The following IL36B variants were observed in gnomAD, a reference collection of about 807,000 sequenced individuals.
IL36B encodes the protein interleukin-36 beta.
Under a neutral mutation model 19.3 loss-of-function variants are expected in IL36B, and 23 were observed. The observed-to-expected ratio is 1.19, with a 90% CI of 0.86 to 1.69. The LOEUF (loss-of-function observed/expected upper bound fraction) is 1.69. Ranked by LOEUF, IL36B falls within the 40% of genes most tolerant of loss-of-function variation. The probability of loss-of-function intolerance (pLI) is 0.00; values close to 1 mark genes in which losing one functional copy is unlikely to be tolerated. For missense variants in IL36B, 217 were observed against 200.5 expected, an observed-to-expected ratio of 1.08 and a Z score of -0.50; for synonymous variants, 59 against 59.7, an observed-to-expected ratio of 0.99 and a Z score of 0.05.
chr2:113,051,158 C>T (rs542256006), intron 1 of IL36B, among the ~76,000 whole-genome samples: 21 of 152,200 alleles, frequency 1.4e-4, no homozygotes, highest in African/African-American at 3.6e-4. Flanking sequence ...CAGGCCCCGC[C>T]GGAGGGGCCA....
chr2:113,025,885 A>G (rs776426383), intron 5 of IL36B, among the ~76,000 whole-genome samples: 4 of 152,208 alleles, frequency 2.6e-5, no homozygotes, highest in Non-Finnish European at 5.9e-5. Context: ...AAGGGTTTGC[A>G]TGCAAGATGA....
intron 4 of IL36B, chr2:113,026,263 G>A (rs1214966784): frequency 1.2e-6 from 2 of 1,612,530 alleles, no homozygotes; most frequent in South Asian, 2.2e-5. Flanking sequence ...ATGTTGCTGA[G>A]ATAATACACT....
intron 5 of IL36B, among the ~76,000 whole-genome samples, chr2:113,025,219 G>A (rs1684935463): frequency 6.6e-6 from 1 of 152,190 alleles, no homozygotes; most frequent in South Asian, 2.1e-4. Context: ...ATTGGCATAA[G>A]GGGAAGAGGA....
At chr2:113,025,879 G>A (rs557330086) in intron 5 of IL36B, among the ~76,000 whole-genome samples, 1 of 152,272 alleles carries the variant, frequency 6.6e-6, no homozygotes, top group Non-Finnish European at 1.5e-5. Context: ...TGAGACAAGG[G>A]TTTGCATGCA....
At chr2:113,026,712 C>T (rs35377570) in intron 4 of IL36B, among the ~76,000 whole-genome samples, 180 of 152,214 alleles carry the variant, frequency 1.2e-3, no homozygotes, top group African/African-American at 3.8e-3. Context: ...TGTACACTAA[C>T]AAAATTCCAG....
chr2:113,025,519 T>C (rs945949530), intron 5 of IL36B, among the ~76,000 whole-genome samples: 1 of 152,160 alleles, frequency 6.6e-6, no homozygotes, highest in South Asian at 2.1e-4. Context: ...TCTATGTACC[T>C]AGAATTTGGT....
chr2:113,043,870 T>A (rs1213308140), intron 1 of IL36B, among the ~76,000 whole-genome samples: 1 of 152,226 alleles, frequency 6.6e-6, no homozygotes, highest in Non-Finnish European at 1.5e-5. Flanking sequence ...GTTGTATTTG[T>A]ATGTTTGTTG....
chr2:113,039,375 T>G (rs1366476403), intron 1 of IL36B, among the ~76,000 whole-genome samples: 1 of 152,334 alleles, frequency 6.6e-6, no homozygotes, highest in East Asian at 1.9e-4. Context: ...ACCCTCACCG[T>G]GGCACAGTTC....
chr2:113,026,040 T>G, intron 5 of IL36B: 1 of 1,578,334 alleles, frequency 6.3e-7, no homozygotes, highest in Admixed American at 1.8e-5. Flanking sequence ...TGAGGAACCA[T>G]GAAGAATGAA....
At chr2:113,025,159 A>G (rs1684934019) in intron 5 of IL36B, among the ~76,000 whole-genome samples, 1 of 152,190 alleles carries the variant, frequency 6.6e-6, no homozygotes, top group African/African-American at 2.4e-5. Context: ...TTCTGCAGCC[A>G]TCTCCTCCCG....
At chr2:113,028,148 G>A (rs994415732) in intron 4 of IL36B, 33 bp from the exon 5 acceptor site, 3 of 1,577,798 alleles carry the variant, frequency 1.9e-6, no homozygotes, top group South Asian at 1.1e-5. Context: ...TTAGAGAGGA[G>A]GATAGGAGGA....
chr2:113,025,480 T>C (rs1005077059), intron 5 of IL36B, among the ~76,000 whole-genome samples: 1 of 152,030 alleles, frequency 6.6e-6, no homozygotes, highest in Non-Finnish European at 1.5e-5. Flanking sequence ...CTAAAGGGAG[T>C]GCATAAATGA....
At chr2:113,027,992 T>C in intron 4 of IL36B, 1 of 1,614,084 alleles carries the variant, frequency 6.2e-7, no homozygotes, top group Non-Finnish European at 8.5e-7. Flanking sequence ...GTGGTGGAGG[T>C]GGCTATGAAC....
intron 4 of IL36B, among the ~76,000 whole-genome samples, chr2:113,026,479 C>A (rs1397289568): frequency 6.6e-6 from 1 of 152,168 alleles, no homozygotes; most frequent in Non-Finnish European, 1.5e-5. Flanking sequence ...CATTGCAAGA[C>A]CCAATATGCC....
chr2:113,031,830 C>T, intron 1 of IL36B, 64 bp from the exon 2 acceptor site: 2 of 794,848 alleles, frequency 2.5e-6, no homozygotes, highest in Middle Eastern at 5.5e-4. Context: ...TTCTCCTCTC[C>T]CCCTAAAATT....
intron 1 of IL36B, among the ~76,000 whole-genome samples, chr2:113,044,305 T>A (rs1048079207): frequency 9.8e-6 from 1 of 102,412 alleles, no homozygotes; most frequent in African/African-American, 3.5e-5. Context: ...TGTGTGTGTG[T>A]GTGAATTTAG....
At chr2:113,036,737 C>A (rs966575805) in intron 1 of IL36B, among the ~76,000 whole-genome samples, 1 of 150,618 alleles carries the variant, frequency 6.6e-6, no homozygotes, top group Non-Finnish European at 1.5e-5. Context: ...CTGCCCAGAG[C>A]GCCTTATCCT....
At chr2:113,038,398 C>A (rs1262068442) in intron 1 of IL36B, among the ~76,000 whole-genome samples, 2 of 152,230 alleles carry the variant, frequency 1.3e-5, no homozygotes, top group Non-Finnish European at 2.9e-5. Context: ...GATAGATGAG[C>A]CTTCATACTA....
intron 1 of IL36B, among the ~76,000 whole-genome samples, chr2:113,033,518 C>T (rs958332668): frequency 6.6e-6 from 1 of 152,176 alleles, no homozygotes; most frequent in Non-Finnish European, 1.5e-5. Context: ...GGATTACAGG[C>T]GTGAGCCACT....
Sources: gnomAD v4.1 joint callset for allele counts (sites outside exome capture counted in the v4.1 genomes callset) on GRCh38, gnomAD v4.1.1 for gene constraint, MANE v1.5 for transcripts, NCBI Gene and HGNC (gene_info 2026-07-23, HGNC 2026-07-21) for gene names.